The following OLFM3 variants were observed in gnomAD, a reference collection of about 807,000 sequenced individuals.
The protein encoded by OLFM3 is noelin-3.
A neutral mutation model predicts 48.6 loss-of-function variants in OLFM3; 20 were observed. The ratio of observed to expected loss-of-function variants is 0.41; its 90% CI spans 0.29 to 0.60. OLFM3 has a LOEUF of 0.60. Among genes scored for constraint, OLFM3 ranks in the 20% least tolerant of loss-of-function variants. The probability of loss-of-function intolerance (pLI) is 0.28; values close to 1 mark genes in which losing one functional copy is unlikely to be tolerated. For missense variants in OLFM3, 437 were observed against 544.3 expected (o/e 0.80, Z 1.96); for synonymous variants, 222 against 198.1 (o/e 1.12, Z -1.01).
intron 1 of OLFM3, among the ~76,000 whole-genome samples, chr1:101,875,308 A>G (rs552594080): frequency 2.2e-3 from 332 of 152,134 alleles, no homozygotes; most frequent in Non-Finnish European, 3.5e-3. Flanking sequence ...AAATCCATAG[A>G]ATGTACAACA....
At chr1:101,812,500 G>A (rs1453450948) in intron 4 of OLFM3, 23 of 985,320 alleles carry the variant, frequency 2.3e-5, no homozygotes, top group Non-Finnish European at 2.4e-5. Flanking sequence ...AGATGTTGAG[G>A]TGTGCATAAT....
chr1:101,927,628 T>A (rs1478903159), intron 1 of OLFM3, among the ~76,000 whole-genome samples: 1 of 151,730 alleles, frequency 6.6e-6, no homozygotes, highest in Non-Finnish European at 1.5e-5. Flanking sequence ...TATTAACTAC[T>A]ATCACTTAGT....
intron 1 of OLFM3, among the ~76,000 whole-genome samples, chr1:101,960,925 T>G (rs1323287004): frequency 2.6e-5 from 4 of 152,166 alleles, no homozygotes; most frequent in Non-Finnish European, 5.9e-5. Context: ...AAAACACATA[T>G]GATCATAATA....
chr1:101,940,045 G>A (rs908874872), intron 1 of OLFM3, among the ~76,000 whole-genome samples: 6 of 152,060 alleles, frequency 3.9e-5, no homozygotes, highest in Non-Finnish European at 7.4e-5. Context: ...AAAGTTCATA[G>A]TTATTTACTA....
intron 1 of OLFM3, among the ~76,000 whole-genome samples, chr1:101,951,058 G>T (rs1184625209): frequency 6.6e-6 from 1 of 152,198 alleles, no homozygotes; most frequent in Non-Finnish European, 1.5e-5. Context: ...TGAGCATGTA[G>T]TAAATCTTAA....
intron 1 of OLFM3, among the ~76,000 whole-genome samples, chr1:101,947,359 T>A (rs78892890): frequency 0.07 from 10,645 of 152,246 alleles, 435 homozygotes; most frequent in South Asian, 0.14. Flanking sequence ...ACAGTATTCA[T>A]GTAATTATAG....
At chr1:101,894,641 A>C (rs1658130891) in intron 1 of OLFM3, among the ~76,000 whole-genome samples, 1 of 152,164 alleles carries the variant, frequency 6.6e-6, no homozygotes, top group Non-Finnish European at 1.5e-5. Flanking sequence ...AGTATTTGGC[A>C]TAATGAATGC....
rs565526952 is a variant in OLFM3 at position 101,926,403 on chromosome 1, C to T, written c.69+70345G>A. 4.6e-5 allele frequency among the ~76,000 whole-genome samples: 7 copies of T among 152,216 alleles called. No individual in the cohort carries two copies. The East Asian group carries it at 1.4e-3, about 29-fold the overall frequency. On this transcript the variant is annotated intron_variant, in intron 1 of 5. Transcript: ENST00000370103. ...TCCAAGCCATTTCTACTTATCTAGGCTGCCATTATATTCACGCAAGCCTTT... is the reference window on the plus strand; with the variant it reads ...TCCAAGCCATTTCTACTTATCTAGGTTGCCATTATATTCACGCAAGCCTTT...
intron 1 of OLFM3, among the ~76,000 whole-genome samples, chr1:101,874,965 G>A (rs143312106): frequency 6.2e-4 from 94 of 151,962 alleles, no homozygotes; most frequent in African/African-American, 2.1e-3. Flanking sequence ...CTTATTTGTG[G>A]ATTAGACTCT....
intron 1 of OLFM3, among the ~76,000 whole-genome samples, chr1:101,936,837 G>A (rs775794668): frequency 2.0e-5 from 3 of 152,090 alleles, no homozygotes; most frequent in Non-Finnish European, 2.9e-5. Context: ...TGACAAAGTC[G>A]ACAAAAGCAA....
intron 1 of OLFM3, among the ~76,000 whole-genome samples, chr1:101,894,820 T>C (rs192224681): frequency 9.6e-4 from 146 of 152,220 alleles, no homozygotes; most frequent in African/African-American, 3.4e-3. Flanking sequence ...TTACACAAAT[T>C]ATATATATGG....
rs144203485 is a variant in OLFM3, at chr1:101,886,985, G to C, written c.70-49960C>G. On this transcript the variant is annotated intron_variant, in intron 1 of 5. Transcript: ENST00000370103. The stretch of plus-strand genomic sequence containing the variant: ...AATTTCTTCTCTTGAAAAATCTTGA[G>C]GGGAATTAATGGATATTTTAGTATT... Among the ~76,000 whole-genome samples, 1,464 of 152,028 alleles carry C rather than the reference G, an allele frequency of 9.6e-3. 33 individuals carry two copies. The highest frequency in any genetic ancestry group is 0.034 in the African/African-American group (1,397 of 41,498).
intron 2 of OLFM3, among the ~76,000 whole-genome samples, chr1:101,831,809 A>G (rs1655163946): frequency 6.6e-6 from 1 of 152,378 alleles, no homozygotes; most frequent in East Asian, 1.9e-4. Flanking sequence ...TGTCTATTAA[A>G]GTTTGAGAAG....
At chr1:101,861,260 CTA>C (rs1447603080) in intron 1 of OLFM3, among the ~76,000 whole-genome samples, 1 of 151,942 alleles carries the variant, frequency 6.6e-6, no homozygotes, top group Non-Finnish European at 1.5e-5. Flanking sequence ...CAGGGTTTCA[CTA>C]TGTTAGCCAG....
chr1:101,807,077 T>TA (rs1653811560), intron 4 of OLFM3, among the ~76,000 whole-genome samples: 1 of 151,846 alleles, frequency 6.6e-6, no homozygotes, highest in Non-Finnish European at 1.5e-5. Flanking sequence ...TGGATTATAT[T>TA]AGTTTGGGTC....
intron 1 of OLFM3, among the ~76,000 whole-genome samples, chr1:101,860,731 T>C (rs1202342966): frequency 6.6e-6 from 1 of 151,962 alleles, no homozygotes; most frequent in Non-Finnish European, 1.5e-5. Context: ...TAGCATTAGG[T>C]AGTCTTAATA....
At chr1:101,913,245 C>T (rs1445365416) in intron 1 of OLFM3, among the ~76,000 whole-genome samples, 2 of 152,136 alleles carry the variant, frequency 1.3e-5, no homozygotes, top group African/African-American at 4.8e-5. Context: ...TTTTCCACAT[C>T]AGACATTTTA....
chr1:101,882,315 G>T (rs1256820568), intron 1 of OLFM3, among the ~76,000 whole-genome samples: 1 of 124,060 alleles, frequency 8.1e-6, no homozygotes, highest in Non-Finnish European at 1.7e-5. Context: ...TAATATAAGT[G>T]CATATATATA....
chr1:101,950,360 C>T (rs1290101097), intron 1 of OLFM3, among the ~76,000 whole-genome samples: 1 of 152,130 alleles, frequency 6.6e-6, no homozygotes, highest in East Asian at 1.9e-4. Context: ...CAGCTGAACC[C>T]TTTACCCTTT....
Sources: allele counts gnomAD v4.1 joint callset (sites outside exome capture counted in the v4.1 genomes callset), GRCh38; gene constraint gnomAD v4.1.1; transcripts MANE v1.5; gene names NCBI Gene and HGNC (gene_info 2026-07-23, HGNC 2026-07-21).